The following ZFP1 variants were observed in gnomAD, a reference collection of about 807,000 sequenced individuals.
The protein encoded by ZFP1 is zinc finger protein 1 homolog.
ZFP1 carries 32 observed loss-of-function variants against 38.5 expected under a neutral mutation model. The ratio of observed to expected loss-of-function variants is 0.83; its 90% CI spans 0.63 to 1.12. The LOEUF (loss-of-function observed/expected upper bound fraction) is 1.12. ZFP1 is among the 50% of genes most tolerant of loss of function. The pLI, the probability that ZFP1 is intolerant of heterozygous loss-of-function variation, is 0.00. For missense variants in ZFP1, 616 were observed against 480.8 expected, an observed-to-expected ratio of 1.28 and a Z score of -2.63; for synonymous variants, 245 against 168.8, an observed-to-expected ratio of 1.45 and a Z score of -3.50.
intron 2 of ZFP1, among the ~76,000 whole-genome samples, chr16:75,155,822 A>G (rs376414998): frequency 2.6e-5 from 4 of 152,214 alleles, no homozygotes; most frequent in Non-Finnish European, 5.9e-5. Flanking sequence ...TTGATAAACT[A>G]TAACTGGGAT....
intron 1 of ZFP1, among the ~76,000 whole-genome samples, chr16:75,152,169 G>A (rs2037237163): frequency 6.6e-6 from 1 of 152,078 alleles, no homozygotes; most frequent in Non-Finnish European, 1.5e-5. Flanking sequence ...GATACGATGT[G>A]TCCATGTGTG....
chr16:75,168,549 A>AG lies in ZFP1; in HGVS notation c.143-704_143-703insG, dbSNP rs201156727. Among the ~76,000 whole-genome samples the AG allele has an allele frequency of 5.2e-3, 794 of 151,608 alleles. 14 individuals are homozygous for AG. The highest frequency in any genetic ancestry group is 0.018 in the African/African-American group (763 of 41,302). The stretch of plus-strand genomic sequence containing the variant: ...TCACTCTCCCAGCAACTTCAGTAGA[A>AG]AAAAAAAAGCAATAAAACCAGCAGC... On this transcript the variant is annotated intron_variant, in intron 3 of 3. Transcript: ENST00000570010.
At chr16:75,139,632 G>T in the ZFP1 span, among the ~76,000 whole-genome samples, 64 of 152,170 alleles carry the variant, frequency 4.2e-4, no homozygotes, top group African/African-American at 1.5e-3. Flanking sequence ...GTGGAGGCTG[G>T]GATTACAGGC....
Position 75,162,248 on chromosome 16 carries a change from A to G in ZFP1, c.16-4522A>G, listed in dbSNP as rs145915417. On this transcript the variant is annotated intron_variant, in intron 2 of 3. Transcript: ENST00000570010. ...AGCAATCCTCCCACCTCAGCCCCCT[A>G]TGTAGCTGGGACTACAGGCAGGCAC... 2.7e-3 allele frequency among the ~76,000 whole-genome samples: 402 copies of G among 151,550 alleles called. 3 individuals carry two copies. The highest frequency in any genetic ancestry group is 9.0e-3 in the African/African-American group (370 of 41,326).
At chr16:75,150,395 A>G (rs1244217286) in intron 1 of ZFP1, among the ~76,000 whole-genome samples, 1 of 139,696 alleles carries the variant, frequency 7.2e-6, no homozygotes, top group South Asian at 2.3e-4. Flanking sequence ...TTTTTTTTGT[A>G]TTTTTAGTAG....
At chr16:75,166,083 C>A (rs1019755342) in intron 2 of ZFP1, among the ~76,000 whole-genome samples, 3 of 152,098 alleles carry the variant, frequency 2.0e-5, no homozygotes, top group African/African-American at 7.2e-5. Flanking sequence ...TGGTATTTTA[C>A]AGTTGGAAGT....
chr16:75,159,341 C>CCCTCCCTCCCTT (rs2037639978), intron 2 of ZFP1, among the ~76,000 whole-genome samples: 1 of 6,394 alleles, frequency 1.6e-4, no homozygotes, highest in African/African-American at 2.5e-4. Flanking sequence ...CTCCCTCCCT[C>CCCTCCCTCCCTT]CCTCCCTCCC....
At chr16:75,124,653 G>A in the ZFP1 span, among the ~76,000 whole-genome samples, 14 of 150,452 alleles carry the variant, frequency 9.3e-5, no homozygotes, top group Non-Finnish European at 1.8e-4. Flanking sequence ...TGGACGTGGC[G>A]GCAGGCGCCT....
chr16:75,170,303 A>C lies in ZFP1; in HGVS notation c.1193A>C (p.His398Pro). ...AGCAGGAAGTCCCGACTCAGTGTCCATCAGAGAGTTCACATCGGGGAGAAA... is the reference window on the plus strand; with the variant it reads ...AGCAGGAAGTCCCGACTCAGTGTCCCTCAGAGAGTTCACATCGGGGAGAAA... ...AFSRKSRLSV[H>P]QRVHIGEKP is the part of the protein sequence containing the mutation. Residue 398 changes from histidine to proline, a missense_variant, in exon 4 of 4, where the codon CAT (histidine) becomes CCT (proline). Coordinates refer to ENST00000570010, the MANE Select transcript of ZFP1 (RefSeq NM_153688.4). 1 of 1,600,238 alleles carries C rather than the reference A, an allele frequency of 6.2e-7. No individual in the cohort carries two copies. Among genetic ancestry groups the C allele is most frequent in the Non-Finnish European group, 8.5e-7 (1 of 1,172,366 alleles).
intron 2 of ZFP1, among the ~76,000 whole-genome samples, chr16:75,155,533 T>C (rs1041119819): frequency 6.6e-6 from 1 of 152,244 alleles, no homozygotes; most frequent in Non-Finnish European, 1.5e-5. Context: ...TAATCTTTAA[T>C]TGTGTGACAC....
the ZFP1 span, among the ~76,000 whole-genome samples, chr16:75,134,851 A>G: frequency 1.3e-5 from 2 of 151,972 alleles, no homozygotes; most frequent in African/African-American, 4.8e-5. Context: ...TGAGGTCTGG[A>G]GTTCAAGACC....
At chr16:75,142,765 C>A in the ZFP1 span, among the ~76,000 whole-genome samples, 13 of 151,912 alleles carry the variant, frequency 8.6e-5, no homozygotes, top group Non-Finnish European at 1.6e-4. Flanking sequence ...TGCAGTGGTG[C>A]GATCTCAGCT....
Position 75,170,546 on chromosome 16 carries a change from TG to T in ZFP1, c.*213del. ...GAATACATATCAGAATATATCCAGTTGTAAATAGCCATACCCAGTTGTACTA... is the reference window on the plus strand; with the variant it reads ...GAATACATATCAGAATATATCCAGTTTAAATAGCCATACCCAGTTGTACTA... On this transcript the variant is annotated 3_prime_UTR_variant, in exon 4 of 4. Coordinates refer to ENST00000570010, the MANE Select transcript of ZFP1 (RefSeq NM_153688.4). 1 of 615,936 alleles carries T rather than the reference TG, an allele frequency of 1.6e-6. No homozygotes were observed. Among genetic ancestry groups the T allele is most frequent in the Non-Finnish European group, 2.4e-6 (1 of 410,950 alleles). 38.2% of individuals were successfully genotyped at this position (615,936 alleles called of 1,614,324 possible). A position where few individuals can be genotyped will look rare whatever the true frequency, so the allele number is the denominator to read the frequency against.
Position 75,169,687 on chromosome 16 carries a change from T to C in ZFP1, c.577T>C (p.Phe193Leu). The part of the protein sequence containing the change: ...PFICTYCDKA[F>L]SFKSLLISHK... Reference sequence around the variant, plus strand: ...CATTTGTACTTACTGTGACAAGGCTTTCTCCTTTAAGTCACTCCTCATTAG... The same window carrying C: ...CATTTGTACTTACTGTGACAAGGCTCTCTCCTTTAAGTCACTCCTCATTAG... Residue 193 changes from phenylalanine (F) to leucine (L), a missense_variant, in exon 4 of 4, where the codon TTC (phenylalanine) becomes CTC (leucine). By Grantham distance (22) the Phe-to-Leu change is conservative. Coordinates refer to ENST00000570010, the MANE Select transcript of ZFP1 (RefSeq NM_153688.4). 6.2e-7 allele frequency: 1 copy of C among 1,610,966 alleles called. No individual in the cohort carries two copies. Among genetic ancestry groups the C allele is most frequent in the South Asian group, 1.1e-5 (1 of 90,718 alleles).
In ZFP1 at chr16:75,160,262, G is replaced by A. The variant is rs576527800; in HGVS notation, c.16-6508G>A. 3.2e-4 allele frequency among the ~76,000 whole-genome samples: 49 copies of A among 152,256 alleles called. No homozygotes were observed. In the South Asian group the frequency reaches 5.6e-3, roughly 17 times the overall value. On this transcript the variant is annotated intron_variant, in intron 2 of 3. Transcript: ENST00000570010. ...GAAGTTTATTTTCTTGGCTGGGCAA[G>A]GTAGCCATGCCTGTAATCTCAGCAC...
At position 75,170,073 on chromosome 16, in the gene ZFP1, G is replaced by T; in HGVS notation, c.963G>T (p.Glu321Asp). ...TACATCAGAAGATTCACACGGGGGA[G>T]AAACGCTATGAGTGCAGTGAATGTG... The part of the protein sequence containing the change: ...LIIHQKIHTG[E>D]KRYECSECGK... Residue 321 changes from glutamate to aspartate, a missense_variant, in exon 4 of 4, where the codon GAG becomes GAT. Glu to Asp is a conservative substitution (Grantham distance 45). Coordinates refer to ENST00000570010, the MANE Select transcript of ZFP1 (RefSeq NM_153688.4). 1.9e-6 allele frequency: 3 copies of T among 1,614,178 alleles called. No individual in the cohort carries two copies. Among genetic ancestry groups the T allele is most frequent in the Non-Finnish European group, 2.5e-6 (3 of 1,180,024 alleles).
At chr16:75,119,587 G>A in the ZFP1 span, 1 of 152,180 alleles carries the variant, frequency 6.6e-6, no homozygotes, top group Admixed American at 6.5e-5. Context: ...CCCTAGGTAA[G>A]TAACTGAATT....
At chr16:75,149,048 TG>T (rs1422535189) in intron 1 of ZFP1, 5 of 150,766 alleles carry the variant, frequency 3.3e-5, no homozygotes, top group African/African-American at 1.2e-4. Context: ...CGATGCCCGG[TG>T]CCTCGTGGGT....
intron 2 of ZFP1, among the ~76,000 whole-genome samples, chr16:75,156,807 C>T (rs1255202790): frequency 6.6e-6 from 1 of 152,236 alleles, no homozygotes; most frequent in Non-Finnish European, 1.5e-5. Flanking sequence ...CTGTTCTCAT[C>T]TGATCCAAGG....
Sources: allele counts gnomAD v4.1 joint callset (sites outside exome capture counted in the v4.1 genomes callset), GRCh38; gene constraint gnomAD v4.1.1; transcripts MANE v1.5; gene names NCBI Gene and HGNC (gene_info 2026-07-23, HGNC 2026-07-21).